Variants in GLI2 observed in about 807,000 individuals in gnomAD.
GLI2 encodes the protein transcription activator GLI2.
A neutral mutation model predicts 78.9 loss-of-function variants in GLI2; 22 were observed. That is an observed-to-expected ratio of 0.28 (90% CI 0.20 to 0.40). The LOEUF is 0.40. Among genes scored for constraint, GLI2 ranks in the 10% least tolerant of loss-of-function variants. GLI2 has a pLI of 1.00. For missense variants in GLI2, 2,097 were observed against 2,213.2 expected (o/e 0.95, Z 1.05); for synonymous variants, 974 against 963.7 (o/e 1.01, Z -0.20).
rs1227902953 is a variant in GLI2 at position 120,992,273 on chromosome 2, G to C, written c.*1598G>C. 6.6e-6 allele frequency: 1 copy of C among 152,414 alleles called. No homozygotes were observed. Among genetic ancestry groups the C allele is most frequent in the East Asian group, 1.9e-4 (1 of 5,190 alleles). 9.4% of individuals were successfully genotyped at this position (152,414 alleles called of 1,614,324 possible). The stretch of plus-strand genomic sequence containing the variant: ...CAGGGAACATTGCTAAGGGTCTGTG[G>C]CTCTGTGGTGGTGTTCATCGCCTTC... On this transcript the variant is annotated 3_prime_UTR_variant, in exon 14 of 14. Transcript: ENST00000361492.
At chr2:120,849,285 A>G (rs1023237555) in intron 2 of GLI2, among the ~76,000 whole-genome samples, 2 of 152,218 alleles carry the variant, frequency 1.3e-5, no homozygotes, top group African/African-American at 2.4e-5. Context: ...ATGCCACTGA[A>G]CTGTACACTT....
At chr2:120,979,402 C>T (rs1324803300) in intron 10 of GLI2, among the ~76,000 whole-genome samples, 1 of 152,184 alleles carries the variant, frequency 6.6e-6, no homozygotes, top group Non-Finnish European at 1.5e-5. Context: ...CACAAATGCA[C>T]ACGTGGTTTC....
intron 2 of GLI2, among the ~76,000 whole-genome samples, chr2:120,835,031 C>T (rs1686541860): frequency 6.6e-6 from 1 of 152,110 alleles, no homozygotes; most frequent in Admixed American, 6.6e-5. Context: ...TTGGAGCAAA[C>T]ATTACTATTT....
chr2:120,842,196 G>A (rs1338877326), intron 2 of GLI2, among the ~76,000 whole-genome samples: 2 of 151,868 alleles, frequency 1.3e-5, no homozygotes, highest in Non-Finnish European at 2.9e-5. Context: ...CCCTGGAGAC[G>A]ACCAATGTTC....
intron 2 of GLI2, among the ~76,000 whole-genome samples, chr2:120,885,675 G>A (rs1047749531): frequency 3.3e-5 from 5 of 152,218 alleles, no homozygotes; most frequent in African/African-American, 1.2e-4. Context: ...TAGCAGGTGG[G>A]CAGAGGGACT....
intron 1 of GLI2, among the ~76,000 whole-genome samples, chr2:120,794,373 G>T (rs1302890283): frequency 1.3e-5 from 2 of 152,212 alleles, no homozygotes; most frequent in South Asian, 2.1e-4. Context: ...GGGAGAGGAG[G>T]CTTTAGGTAG....
At chr2:120,796,220 C>G (rs1177461950) in intron 1 of GLI2, among the ~76,000 whole-genome samples, 1 of 152,192 alleles carries the variant, frequency 6.6e-6, no homozygotes, top group Non-Finnish European at 1.5e-5. Flanking sequence ...CTCACAGCCA[C>G]TTTCCATCCC....
At chr2:120,791,332 G>A (rs1431499206) in intron 1 of GLI2, among the ~76,000 whole-genome samples, 1 of 152,168 alleles carries the variant, frequency 6.6e-6, no homozygotes, top group African/African-American at 2.4e-5. Flanking sequence ...CCTTGGCATT[G>A]TGGCACTGGA....
At chr2:120,881,652 TG>T (rs1677138663) in intron 2 of GLI2, among the ~76,000 whole-genome samples, 2 of 25,102 alleles carry the variant, frequency 8.0e-5, no homozygotes, top group Admixed American at 5.0e-4. Context: ...GAGGGCAGTT[TG>T]GGGGAGGACA....
At chr2:120,937,234 A>G (rs781397156) in intron 3 of GLI2, among the ~76,000 whole-genome samples, 3 of 152,228 alleles carry the variant, frequency 2.0e-5, no homozygotes, top group African/African-American at 7.2e-5. Flanking sequence ...AAGGAGGCAC[A>G]GTCTTTTTTA....
chr2:120,736,939 C>T (rs1426345413), intron 1 of GLI2, among the ~76,000 whole-genome samples: 2 of 151,636 alleles, frequency 1.3e-5, no homozygotes, highest in African/African-American at 4.8e-5. Context: ...GCTTGACTTC[C>T]CAAAGGGATC....
At chr2:120,857,635 C>T (rs1310810665) in intron 2 of GLI2, among the ~76,000 whole-genome samples, 1 of 151,824 alleles carries the variant, frequency 6.6e-6, no homozygotes, top group East Asian at 1.9e-4. Context: ...CCCATCCATC[C>T]TACCCAAACA....
chr2:120,750,749 C>A (rs1487030485), intron 1 of GLI2, among the ~76,000 whole-genome samples: 4 of 152,234 alleles, frequency 2.6e-5, no homozygotes, highest in Non-Finnish European at 4.4e-5. Context: ...CAAAAGACAT[C>A]CTGGCAGGGA....
At chr2:120,920,679 G>T (rs531687853) in intron 2 of GLI2, among the ~76,000 whole-genome samples, 2 of 151,182 alleles carry the variant, frequency 1.3e-5, no homozygotes, top group Admixed American at 1.3e-4. Context: ...TTCTCAGGCT[G>T]TTGGGCTTTC....
chr2:120,755,279 T>C (rs914394767), intron 1 of GLI2, among the ~76,000 whole-genome samples: 3 of 152,274 alleles, frequency 2.0e-5, no homozygotes, highest in Non-Finnish European at 4.4e-5. Flanking sequence ...GTTAGTCTTT[T>C]GAATTTTAGC....
intron 2 of GLI2, among the ~76,000 whole-genome samples, chr2:120,892,846 A>T (rs1055351714): frequency 6.6e-6 from 1 of 152,098 alleles, no homozygotes; most frequent in Non-Finnish European, 1.5e-5. Context: ...TCTCTTCCTG[A>T]TGTCCTCAGC....
rs1195032639 is a variant in GLI2, at chr2:120,779,352, CTGGCCAG to C, written c.-30-17936_-30-17930del. 2.6e-5 allele frequency among the ~76,000 whole-genome samples: 4 copies of C among 152,302 alleles called. No homozygotes were observed. The East Asian group carries it at 7.7e-4, about 29-fold the overall frequency. On this transcript the variant is annotated intron_variant, in intron 1 of 13. Coordinates refer to ENST00000361492, the MANE Select transcript of GLI2 (RefSeq NM_001374353.1). The stretch of plus-strand genomic sequence containing the variant: ...CTTACACCAGGGTGTGTGTGAGCCC[CTGGCCAG>C]TGCTGGGCAGTAGGGCCAGGACCTC...
At position 120,992,183 on chromosome 2, in the gene GLI2, C is replaced by G. The variant is rs1388880272; in HGVS notation, c.*1508C>G. 6.6e-6 allele frequency: 1 copy of G among 152,598 alleles called. No individual in the cohort carries two copies. Among genetic ancestry groups the G allele is most frequent in the African/African-American group, 2.4e-5 (1 of 41,448 alleles). 9.5% of individuals were successfully genotyped at this position (152,598 alleles called of 1,614,324 possible). On this transcript the variant is annotated 3_prime_UTR_variant, in exon 14 of 14. Transcript: ENST00000361492. ...TTGAGGACAAGGCCAACATCGTCATCTGGGCTCGCTGCGTCCCAGCACATC... is the reference window on the plus strand; with the variant it reads ...TTGAGGACAAGGCCAACATCGTCATGTGGGCTCGCTGCGTCCCAGCACATC...
At chr2:120,933,916 GC>G (rs1337038052) in intron 3 of GLI2, among the ~76,000 whole-genome samples, 3 of 150,842 alleles carry the variant, frequency 2.0e-5, no homozygotes, top group Admixed American at 2.0e-4. Flanking sequence ...ACCAATTTCA[GC>G]TGCTTCCTGC....
Sources: gnomAD v4.1 joint callset for allele counts (sites outside exome capture counted in the v4.1 genomes callset) on GRCh38, gnomAD v4.1.1 for gene constraint, MANE v1.5 for transcripts, NCBI Gene and HGNC (gene_info 2026-07-23, HGNC 2026-07-21) for gene names.